Variants in EPHA6 observed in about 807,000 individuals in gnomAD.
EPHA6 encodes the protein EPH receptor A6, also known as ephrin type-A receptor 6.
A neutral mutation model predicts 112.0 loss-of-function variants in EPHA6; 50 were observed. The observed-to-expected ratio is 0.45, with a 90% CI of 0.36 to 0.56. The LOEUF is 0.56. Among genes scored for constraint, EPHA6 ranks in the 20% least tolerant of loss-of-function variants. The probability of loss-of-function intolerance (pLI) is 0.00; values close to 1 mark genes in which losing one functional copy is unlikely to be tolerated. For synonymous variants in EPHA6, 529 were observed against 490.7 expected (o/e 1.08, Z -1.03); for missense variants, 1,280 against 1,417.4 (o/e 0.90, Z 1.56).
At chr3:97,462,520 C>T (rs1476107420) in intron 7 of EPHA6, among the ~76,000 whole-genome samples, 1 of 152,136 alleles carries the variant, frequency 6.6e-6, no homozygotes, top group African/African-American at 2.4e-5. Flanking sequence ...TACTCCACTA[C>T]AAATTTTTTA....
intron 3 of EPHA6, among the ~76,000 whole-genome samples, chr3:97,130,040 A>T (rs773645470): frequency 2.0e-5 from 3 of 152,124 alleles, no homozygotes; most frequent in Non-Finnish European, 2.9e-5. Context: ...TACAAACTAA[A>T]ATGGAACTTC....
At chr3:97,143,712 A>G (rs781480901) in intron 3 of EPHA6, among the ~76,000 whole-genome samples, 5 of 151,718 alleles carry the variant, frequency 3.3e-5, no homozygotes, top group African/African-American at 1.2e-4. Context: ...GGCTTCCTTC[A>G]TGTTGTATGA....
chr3:97,474,770 G>T (rs1243110682), intron 7 of EPHA6, among the ~76,000 whole-genome samples: 3 of 151,848 alleles, frequency 2.0e-5, no homozygotes, highest in Non-Finnish European at 4.4e-5. Flanking sequence ...CTTCAAAAAA[G>T]GAAGCTTTTA....
intron 1 of EPHA6, among the ~76,000 whole-genome samples, chr3:96,828,929 A>G (rs1377834767): frequency 6.6e-6 from 1 of 152,310 alleles, no homozygotes; most frequent in Middle Eastern, 3.4e-3. Context: ...GAATGGCAAT[A>G]CTTGCAGATC....
chr3:97,027,609 C>T (rs1440863009), intron 3 of EPHA6, among the ~76,000 whole-genome samples: 1 of 152,078 alleles, frequency 6.6e-6, no homozygotes, highest in Non-Finnish European at 1.5e-5. Context: ...TAAGAATTGG[C>T]ATGAATAGAC....
chr3:97,665,159 A>G (rs569502498), intron 14 of EPHA6, among the ~76,000 whole-genome samples: 1 of 152,328 alleles, frequency 6.6e-6, no homozygotes, highest in South Asian at 2.1e-4. Flanking sequence ...CTCAGAAATA[A>G]TACCACACAT....
At chr3:97,712,879 T>C (rs2034040272) in intron 14 of EPHA6, among the ~76,000 whole-genome samples, 1 of 152,120 alleles carries the variant, frequency 6.6e-6, no homozygotes, top group South Asian at 2.1e-4. Context: ...GTATTGCAAA[T>C]GAGGAGAGGA....
intron 3 of EPHA6, among the ~76,000 whole-genome samples, chr3:97,082,756 C>T (rs866633058): frequency 6.6e-6 from 1 of 151,684 alleles, no homozygotes; most frequent in African/African-American, 2.4e-5. Flanking sequence ...AGTCTTTTCT[C>T]TGGCCTGGGG....
intron 11 of EPHA6, among the ~76,000 whole-genome samples, chr3:97,570,204 C>A (rs577279258): frequency 6.6e-6 from 1 of 152,038 alleles, no homozygotes; most frequent in East Asian, 1.9e-4. Context: ...ATGAGGGATT[C>A]ATAGAAGCAA....
intron 2 of EPHA6, among the ~76,000 whole-genome samples, chr3:96,941,453 C>T (rs1185529855): frequency 6.6e-6 from 1 of 152,218 alleles, no homozygotes; most frequent in Non-Finnish European, 1.5e-5. Flanking sequence ...GCTCCATCAG[C>T]TCCTTTAAGC....
intron 3 of EPHA6, among the ~76,000 whole-genome samples, chr3:97,207,884 A>G (rs2077755601): frequency 6.6e-6 from 1 of 152,144 alleles, no homozygotes; most frequent in Non-Finnish European, 1.5e-5. Context: ...CAGCTTACAG[A>G]TGATCTGCCT....
intron 1 of EPHA6, among the ~76,000 whole-genome samples, chr3:96,840,893 GGAACCTACCAGAGCTT>G (rs2034704407): frequency 6.6e-6 from 1 of 151,928 alleles, no homozygotes; most frequent in Non-Finnish European, 1.5e-5. Context: ...AAGTTTCAAG[GGAACCTACCAGAGCTT>G]TAAAAGTAAA....
chr3:97,740,359 T>G (rs184410016), intron 16 of EPHA6, among the ~76,000 whole-genome samples: 1 of 152,252 alleles, frequency 6.6e-6, no homozygotes, highest in East Asian at 1.9e-4. Flanking sequence ...ACAAAGAACT[T>G]GACACATTAG....
At chr3:96,874,864 G>A (rs2036852183) in intron 2 of EPHA6, among the ~76,000 whole-genome samples, 1 of 152,078 alleles carries the variant, frequency 6.6e-6, no homozygotes, top group African/African-American at 2.4e-5. Flanking sequence ...GTTAGAGTAG[G>A]GGGACTTGAT....
chr3:97,592,375 C>G (rs528210514), intron 11 of EPHA6, among the ~76,000 whole-genome samples: 1 of 152,306 alleles, frequency 6.6e-6, no homozygotes, highest in Non-Finnish European at 1.5e-5. Context: ...GAAATTGTAT[C>G]TAGCACTCTG....
chr3:97,446,674 T>C, intron 6 of EPHA6, among the ~76,000 whole-genome samples: 1 of 152,158 alleles, frequency 6.6e-6, no homozygotes, highest in East Asian at 1.9e-4. Flanking sequence ...CTGTGAAAAG[T>C]AACATATCCT....
At chr3:97,504,364 G>T (rs967550109) in intron 10 of EPHA6, among the ~76,000 whole-genome samples, 1 of 152,158 alleles carries the variant, frequency 6.6e-6, no homozygotes, top group Non-Finnish European at 1.5e-5. Flanking sequence ...AGTGGTTGCC[G>T]TTTTTACAGT....
At position 97,175,506 on chromosome 3, in the gene EPHA6, G is replaced by A. The variant is rs149253011; in HGVS notation, c.1115-50758G>A. Among the ~76,000 whole-genome samples, 647 of 151,952 alleles carry A rather than the reference G, an allele frequency of 4.3e-3. 1 individual carries two copies. Among genetic ancestry groups the A allele is most frequent in the African/African-American group, 0.015 (608 of 41,544 alleles). On this transcript the variant is annotated intron_variant, in intron 3 of 17. Coordinates refer to ENST00000389672, the MANE Select transcript of EPHA6 (RefSeq NM_001080448.3). The stretch of plus-strand genomic sequence containing the variant: ...GTAGTATGGACATTTTAACAATATT[G>A]ATTCTTCTAACCCATGAACATGGAA...
At chr3:97,087,707 T>A in intron 3 of EPHA6, among the ~76,000 whole-genome samples, 1 of 152,180 alleles carries the variant, frequency 6.6e-6, no homozygotes, top group East Asian at 1.9e-4. Flanking sequence ...ATGACAGTAG[T>A]GAGTAACTAC....
Sources: gnomAD v4.1 joint callset for allele counts (sites outside exome capture counted in the v4.1 genomes callset) on GRCh38, gnomAD v4.1.1 for gene constraint, MANE v1.5 for transcripts, NCBI Gene and HGNC (gene_info 2026-07-23, HGNC 2026-07-21) for gene names.